SOX6: variants seen among roughly 807,000 people sequenced by gnomAD.
The protein encoded by SOX6 is SRY-box transcription factor 6.
In SOX6, 11 loss-of-function variants were observed where a neutral mutation model predicts 97.8. That is an observed-to-expected ratio of 0.11 (90% CI 0.07 to 0.19). The LOEUF (loss-of-function observed/expected upper bound fraction) is 0.19, where lower values mean the gene tolerates loss of function less well. Ranked by LOEUF, SOX6 falls within the 10% of genes least tolerant of loss-of-function variation. The probability of loss-of-function intolerance (pLI) is 1.00; values close to 1 mark genes in which losing one functional copy is unlikely to be tolerated. For missense variants in SOX6, 810 were observed against 1,039.5 expected (o/e 0.78, Z 3.04); for synonymous variants, 360 against 371.4 (o/e 0.97, Z 0.35).
intron 4 of SOX6, among the ~76,000 whole-genome samples, chr11:16,201,048 C>T (rs1313558101): frequency 1.3e-5 from 2 of 150,750 alleles, no homozygotes; most frequent in East Asian, 2.0e-4. Context: ...ACCCAGGAGA[C>T]GGAGGTTGCA....
chr11:16,318,394 T>G, intron 3 of SOX6, 52 bp downstream of exon 3: 1 of 1,561,030 alleles, frequency 6.4e-7, no homozygotes, highest in Non-Finnish European at 8.8e-7. Flanking sequence ...TTTTAAGGCC[T>G]GGAATCTTTA....
At chr11:16,050,320 T>C (rs904758096) in intron 10 of SOX6, among the ~76,000 whole-genome samples, 7 of 152,218 alleles carry the variant, frequency 4.6e-5, no homozygotes, top group African/African-American at 1.7e-4. Flanking sequence ...AAAGTTCTTG[T>C]AGCTATAAAT....
chr11:16,567,565 T>TC (rs2133196463), intron 4 of SOX6, among the ~76,000 whole-genome samples: 1 of 115,250 alleles, frequency 8.7e-6, no homozygotes, highest in South Asian at 3.0e-4. Context: ...TTTTTTCTTT[T>TC]TTTTTTTTTT....
intron 4 of SOX6, among the ~76,000 whole-genome samples, chr11:16,594,603 A>T (rs910013632): frequency 8.3e-4 from 124 of 149,708 alleles, no homozygotes; most frequent in African/African-American, 2.4e-3. Context: ...GACTCAATTG[A>T]TTAATATGCT....
rs568566099 is a variant in SOX6 at position 16,165,367 on chromosome 11, T to C, written c.777+18519A>G. Among the ~76,000 whole-genome samples, 4 of 152,324 alleles carry C rather than the reference T, an allele frequency of 2.6e-5. No individual in the cohort carries two copies. In the East Asian group the frequency reaches 7.7e-4, roughly 29 times the overall value. ...TCTTTTTCACCTTGGTACCTTTAGC[T>C]AAGAACTAAGGGACTTAAATGTTTA... On this transcript the variant is annotated intron_variant, in intron 6 of 15. Coordinates refer to ENST00000683767, the MANE Select transcript of SOX6 (RefSeq NM_001367873.1).
chr11:16,692,740 A>G (rs974505536), intron 3 of SOX6, among the ~76,000 whole-genome samples: 1 of 152,198 alleles, frequency 6.6e-6, no homozygotes, highest in African/African-American at 2.4e-5. Flanking sequence ...ACACACACAC[A>G]TTGTTTTTTC....
chr11:16,619,678 G>A (rs925601504), intron 3 of SOX6, among the ~76,000 whole-genome samples: 31 of 151,948 alleles, frequency 2.0e-4, no homozygotes, highest in African/African-American at 6.8e-4. Context: ...AATATGTAAC[G>A]GTACCTGGAT....
intron 15 of SOX6, 62 bp from the exon 16 acceptor site, chr11:15,973,174 A>G: frequency 1.3e-6 from 2 of 1,531,854 alleles, no homozygotes; most frequent in Non-Finnish European, 1.8e-6. Context: ...TGCTATGTAC[A>G]GCATTGGAAT....
At chr11:16,493,646 T>C (rs1015507077) in intron 4 of SOX6, among the ~76,000 whole-genome samples, 7 of 152,148 alleles carry the variant, frequency 4.6e-5, no homozygotes, top group African/African-American at 1.7e-4. Context: ...TTATATTCTA[T>C]AATAAAAAGG....
At chr11:16,363,462 T>G (rs565775957) in intron 1 of SOX6, among the ~76,000 whole-genome samples, 1 of 152,248 alleles carries the variant, frequency 6.6e-6, no homozygotes, top group South Asian at 2.1e-4. Context: ...AAAAAAAGTC[T>G]GAAACTTGAA....
intron 9 of SOX6, among the ~76,000 whole-genome samples, chr11:16,077,005 G>A (rs1210809122): frequency 4.0e-5 from 6 of 151,006 alleles, no homozygotes; most frequent in African/African-American, 1.2e-4. Flanking sequence ...CACCCGCCTC[G>A]GCCTCCCAAA....
chr11:16,669,949 A>T (rs1818602350), intron 3 of SOX6, among the ~76,000 whole-genome samples: 1 of 152,062 alleles, frequency 6.6e-6, no homozygotes, highest in African/African-American at 2.4e-5. Flanking sequence ...AACAACCCTC[A>T]AACTAGGAAG....
chr11:16,618,524 G>A (rs775768407), intron 3 of SOX6, among the ~76,000 whole-genome samples: 1 of 151,656 alleles, frequency 6.6e-6, no homozygotes, highest in African/African-American at 2.4e-5. Context: ...ATAAACATAT[G>A]CAACTTATTC....
At chr11:16,222,775 T>C (rs757543985) in intron 4 of SOX6, among the ~76,000 whole-genome samples, 5 of 152,156 alleles carry the variant, frequency 3.3e-5, no homozygotes, top group Non-Finnish European at 7.4e-5. Context: ...CCCTACTTCA[T>C]GCCACCCTAT....
chr11:16,538,254 C>T (rs564441229), intron 4 of SOX6, among the ~76,000 whole-genome samples: 19 of 152,220 alleles, frequency 1.2e-4, no homozygotes, highest in African/African-American at 4.3e-4. Context: ...GAAATAAAAT[C>T]CTTTACAGAC....
At chr11:16,206,103 C>T (rs1852065021) in intron 4 of SOX6, among the ~76,000 whole-genome samples, 1 of 151,524 alleles carries the variant, frequency 6.6e-6, no homozygotes, top group African/African-American at 2.4e-5. Context: ...TGTATATATA[C>T]ACACATATAC....
intron 3 of SOX6, among the ~76,000 whole-genome samples, chr11:16,307,152 G>A (rs961546007): frequency 6.6e-6 from 1 of 152,160 alleles, no homozygotes; most frequent in Non-Finnish European, 1.5e-5. Context: ...AGAGTAATAT[G>A]TTAGGATTTT....
intron 3 of SOX6, among the ~76,000 whole-genome samples, chr11:16,248,245 C>A (rs1363116534): frequency 6.6e-6 from 1 of 151,976 alleles, no homozygotes; most frequent in African/African-American, 2.4e-5. Context: ...CATTGAGTGT[C>A]TGTGGCTTTA....
intron 3 of SOX6, among the ~76,000 whole-genome samples, chr11:16,285,174 G>C (rs1303916814): frequency 6.6e-6 from 1 of 151,908 alleles, no homozygotes; most frequent in Middle Eastern, 3.2e-3. Context: ...CAAATAACTA[G>C]ACTACAACAA....
Sources: gnomAD v4.1 joint callset for allele counts (sites outside exome capture counted in the v4.1 genomes callset) on GRCh38, gnomAD v4.1.1 for gene constraint, MANE v1.5 for transcripts, NCBI Gene and HGNC (gene_info 2026-07-23, HGNC 2026-07-21) for gene names.